MAGI3: variants seen among roughly 807,000 people sequenced by gnomAD.
MAGI3 encodes the protein membrane-associated guanylate kinase, WW and PDZ domain-containing protein 3.
A neutral mutation model predicts 121.8 loss-of-function variants in MAGI3; 43 were observed. The ratio of observed to expected loss-of-function variants is 0.35; its 90% confidence interval spans 0.28 to 0.46. MAGI3 has a LOEUF of 0.46. Ranked by LOEUF, MAGI3 falls within the 20% of genes least tolerant of loss-of-function variation. The probability of loss-of-function intolerance (pLI) is 1.00; values close to 1 mark genes in which losing one functional copy is unlikely to be tolerated. For missense variants in MAGI3, 1,547 were observed against 1,797.3 expected, an observed-to-expected ratio of 0.86 and a Z score of 2.52; for synonymous variants, 553 against 639.3, an observed-to-expected ratio of 0.86 and a Z score of 2.04.
chr1:113,518,837 A>G (rs1163819861), intron 1 of MAGI3, among the ~76,000 whole-genome samples: 2 of 152,160 alleles, frequency 1.3e-5, no homozygotes, highest in Admixed American at 6.5e-5. Flanking sequence ...AATATTTTGT[A>G]TAAAATATGC....
chr1:113,682,994 G>A lies in MAGI3; in HGVS notation c.3426G>A (p.Glu1142=). The A allele has an allele frequency of 6.2e-7, 1 of 1,613,914 alleles. No homozygotes were observed. Among genetic ancestry groups the A allele is most frequent in the Non-Finnish European group, 8.5e-7 (1 of 1,179,860 alleles). ...PSSHFASIFE[E]SHVPVIEESL... The stretch of plus-strand genomic sequence containing the variant: ...CACATTTTGCTTCCATATTTGAAGA[G>A]TCTCACGTGCCAGTAATTGAAGAAT... Residue 1142 remains glutamate, a synonymous_variant, in exon 21 of 21, where the codon GAG becomes GAA. Coordinates refer to ENST00000307546, the MANE Select transcript of MAGI3 (RefSeq NM_001142782.2).
chr1:113,571,770 T>A (rs1024835341), intron 2 of MAGI3, among the ~76,000 whole-genome samples: 1 of 152,200 alleles, frequency 6.6e-6, no homozygotes, highest in Non-Finnish European at 1.5e-5. Flanking sequence ...CTGAAGTTGC[T>A]TATCAGCTTA....
At chr1:113,514,567 T>C (rs1019297187) in intron 1 of MAGI3, among the ~76,000 whole-genome samples, 1 of 151,554 alleles carries the variant, frequency 6.6e-6, no homozygotes, top group Admixed American at 6.6e-5. Context: ...TAGGTGGGAA[T>C]TGAACAAAGA....
chr1:113,582,051 T>C (rs2101721577), intron 3 of MAGI3, among the ~76,000 whole-genome samples: 1 of 152,242 alleles, frequency 6.6e-6, no homozygotes, highest in African/African-American at 2.4e-5. Flanking sequence ...ATATTACTTA[T>C]TATTAATTGC....
chr1:113,668,406 T>C (rs551079404), intron 16 of MAGI3, among the ~76,000 whole-genome samples: 1 of 152,160 alleles, frequency 6.6e-6, no homozygotes, highest in East Asian at 1.9e-4. Flanking sequence ...TGTTTGACAT[T>C]ATGGAATAAA....
intron 1 of MAGI3, among the ~76,000 whole-genome samples, chr1:113,503,219 TAAAAAAAAAA>T (rs869272201): frequency 2.2e-4 from 2 of 8,976 alleles, no homozygotes; most frequent in Admixed American, 2.5e-3. Flanking sequence ...AGAGTATAAT[TAAAAAAAAAA>T]AAAAAAAAAA....
rs1481679791 is a variant in MAGI3, at chr1:113,684,454, A to C, written c.*440A>C. ...CTTGGAAGTTGATGATCTCAATAGC[A>C]TGTTGCATGTTTACAGAGAGAAATA... On this transcript the variant is annotated 3_prime_UTR_variant, in exon 21 of 21. Transcript: ENST00000307546. 6.4e-6 allele frequency: 1 copy of C among 155,160 alleles called. No homozygotes were observed. The highest frequency in any genetic ancestry group is 2.4e-5 in the African/African-American group (1 of 41,468). The allele number at this position is 155,160 out of a possible 1,614,324, so 9.6% of individuals were successfully genotyped here.
chr1:113,434,574 G>A (rs906295963), intron 1 of MAGI3, among the ~76,000 whole-genome samples: 1 of 152,176 alleles, frequency 6.6e-6, no homozygotes, highest in African/African-American at 2.4e-5. Context: ...AGTTTTTACA[G>A]CTGCTCTCTT....
chr1:113,415,458 C>T (rs1476610230), intron 1 of MAGI3, among the ~76,000 whole-genome samples: 1 of 151,980 alleles, frequency 6.6e-6, no homozygotes, highest in Non-Finnish European at 1.5e-5. Flanking sequence ...ATAGTTTCTC[C>T]TTTTTTTCCT....
intron 1 of MAGI3, among the ~76,000 whole-genome samples, chr1:113,465,113 A>G (rs1316236758): frequency 6.6e-6 from 1 of 151,900 alleles, no homozygotes; most frequent in East Asian, 1.9e-4. Flanking sequence ...TTCTTCTAGT[A>G]GTTTTTCTTC....
intron 6 of MAGI3, among the ~76,000 whole-genome samples, chr1:113,608,476 C>A (rs1259331785): frequency 6.6e-6 from 1 of 152,106 alleles, no homozygotes; most frequent in Admixed American, 6.5e-5. Flanking sequence ...ATGTACATGG[C>A]CTTGCTGTTA....
At chr1:113,607,590 A>G (rs1028562201) in intron 6 of MAGI3, among the ~76,000 whole-genome samples, 1 of 152,188 alleles carries the variant, frequency 6.6e-6, no homozygotes, top group African/African-American at 2.4e-5. Flanking sequence ...TTTCAACTTC[A>G]AGGTAAAATC....
rs562445814 is a variant in MAGI3, at chr1:113,465,138, T to A, written c.316+73789T>A. 2.6e-5 allele frequency among the ~76,000 whole-genome samples: 4 copies of A among 152,288 alleles called. No homozygotes were observed. In the East Asian group the frequency reaches 7.7e-4, roughly 29 times the overall value. ...AGTTTTTCTTCAGTTGTTCGAGGTC[T>A]TAGATTTAAGTATTTTATCCATTTT... is the stretch of plus-strand genomic sequence containing the variant. On this transcript the variant is annotated intron_variant, in intron 1 of 20. Coordinates refer to ENST00000307546, the MANE Select transcript of MAGI3 (RefSeq NM_001142782.2).
intron 6 of MAGI3, among the ~76,000 whole-genome samples, chr1:113,597,042 T>A (rs1649057292): frequency 6.6e-6 from 1 of 152,200 alleles, no homozygotes; most frequent in South Asian, 2.1e-4. Flanking sequence ...GCAGCACTAT[T>A]CATAATAGCC....
At chr1:113,473,067 G>T (rs1655621846) in intron 1 of MAGI3, among the ~76,000 whole-genome samples, 1 of 151,970 alleles carries the variant, frequency 6.6e-6, no homozygotes, top group African/African-American at 2.4e-5. Context: ...TTTTCATGTT[G>T]TCAATTAGCA....
At chr1:113,592,661 G>C (rs1570912387) in intron 5 of MAGI3, among the ~76,000 whole-genome samples, 1 of 152,024 alleles carries the variant, frequency 6.6e-6, no homozygotes, top group East Asian at 1.9e-4. Context: ...GAGTAATATA[G>C]ACTTTCTAGA....
intron 2 of MAGI3, among the ~76,000 whole-genome samples, chr1:113,561,691 T>G (rs998237026): frequency 2.0e-5 from 3 of 152,148 alleles, no homozygotes; most frequent in Non-Finnish European, 2.9e-5. Context: ...CCATTCCCCT[T>G]GAAAACCAGC....
chr1:113,410,174 C>T (rs980622965), intron 1 of MAGI3, among the ~76,000 whole-genome samples: 1 of 151,754 alleles, frequency 6.6e-6, no homozygotes, highest in South Asian at 2.1e-4. Context: ...TACGGAATAC[C>T]CTGCATTTTG....
At chr1:113,495,099 C>T (rs1656855593) in intron 1 of MAGI3, among the ~76,000 whole-genome samples, 1 of 152,102 alleles carries the variant, frequency 6.6e-6, no homozygotes, top group African/African-American at 2.4e-5. Context: ...ATGTTGTCGG[C>T]AGCTAGATGC....
Sources: allele counts gnomAD v4.1 joint callset (sites outside exome capture counted in the v4.1 genomes callset), GRCh38; gene constraint gnomAD v4.1.1; transcripts MANE v1.5; gene names NCBI Gene and HGNC (gene_info 2026-07-23, HGNC 2026-07-21).